DIPK1A: variants seen among roughly 807,000 people sequenced by gnomAD.
DIPK1A encodes the protein divergent protein kinase domain 1A.
In DIPK1A, 27 loss-of-function variants were observed where a neutral mutation model predicts 40.8. The observed-to-expected ratio is 0.66, with a 90% confidence interval of 0.49 to 0.91. The LOEUF (loss-of-function observed/expected upper bound fraction) is 0.91. DIPK1A is among the 40% of genes least tolerant of loss of function. DIPK1A has a pLI of 0.00. For missense variants in DIPK1A, 412 were observed against 505.7 expected (o/e 0.81, Z 1.78); for synonymous variants, 166 against 171.3 (o/e 0.97, Z 0.24).
intron 2 of DIPK1A, among the ~76,000 whole-genome samples, chr1:92,873,550 G>A (rs564732048): frequency 2.0e-5 from 3 of 151,666 alleles, no homozygotes; most frequent in Admixed American, 1.3e-4. Flanking sequence ...GGGAGGCAGA[G>A]GTTGCAGTGA....
At chr1:92,950,506 G>C (rs1438584274) in intron 1 of DIPK1A, among the ~76,000 whole-genome samples, 1 of 152,214 alleles carries the variant, frequency 6.6e-6, no homozygotes, top group East Asian at 1.9e-4. Context: ...GATCTGAAAG[G>C]GTTAGACTGG....
At chr1:92,837,514 C>T (rs528939210), downstream of DIPK1A, 41 of 1,612,426 alleles carry the variant, frequency 2.5e-5, no homozygotes, top group South Asian at 2.9e-4. Context: ...AGAAGTACAT[C>T]GGAAGCACAT....
chr1:92,845,739 G>T (rs1687580254), intron 4 of DIPK1A, among the ~76,000 whole-genome samples: 1 of 151,990 alleles, frequency 6.6e-6, no homozygotes, highest in African/African-American at 2.4e-5. Flanking sequence ...GGGAGGCTGA[G>T]GCAGGAGAAC....
rs1222814994 is a variant in DIPK1A at position 92,917,677 on chromosome 1, G to A, written c.55-41247C>T. Among the ~76,000 whole-genome samples the A allele has an allele frequency of 2.6e-5, 4 of 152,308 alleles. No individual in the cohort carries two copies. The East Asian group carries it at 7.7e-4, about 29-fold the overall frequency. ...CTGATCAAAGGCTCTAGGAAGGTATGCATAGAAACTCCCATGGTCTGCCAA... is the reference window on the plus strand; with the variant it reads ...CTGATCAAAGGCTCTAGGAAGGTATACATAGAAACTCCCATGGTCTGCCAA... On this transcript the variant is annotated intron_variant, in intron 1 of 4. Coordinates refer to ENST00000370310, the MANE Select transcript of DIPK1A (RefSeq NM_001006605.5).
intron 1 of DIPK1A, among the ~76,000 whole-genome samples, chr1:92,927,620 C>A (rs1650572168): frequency 6.6e-6 from 1 of 152,058 alleles, no homozygotes. Flanking sequence ...GCTGTCCTTC[C>A]CCTCATTTCC....
At chr1:92,908,571 AGAGTAG>A (rs1649713943) in intron 1 of DIPK1A, among the ~76,000 whole-genome samples, 1 of 152,224 alleles carries the variant, frequency 6.6e-6, no homozygotes, top group Non-Finnish European at 1.5e-5. Context: ...AGTAGGCTGA[AGAGTAG>A]GAGGTGTGAT....
chr1:92,929,733 AG>A (rs1211721987), intron 1 of DIPK1A, among the ~76,000 whole-genome samples: 1 of 152,200 alleles, frequency 6.6e-6, no homozygotes, highest in African/African-American at 2.4e-5. Context: ...GGTTAGTGTG[AG>A]TAATCTATTA....
chr1:92,865,127 C>G (rs1037203916), intron 2 of DIPK1A, among the ~76,000 whole-genome samples: 1 of 149,314 alleles, frequency 6.7e-6, no homozygotes, highest in Non-Finnish European at 1.5e-5. Context: ...CTCAGGATAT[C>G]TAGGTGGGAG....
intron 1 of DIPK1A, among the ~76,000 whole-genome samples, chr1:92,937,059 C>G (rs190748431): frequency 1.4e-4 from 21 of 152,270 alleles, no homozygotes; most frequent in East Asian, 5.8e-4. Flanking sequence ...AAATTCTTAC[C>G]AGTTTTATGT....
chr1:92,959,276 A>C (rs1192940498), intron 1 of DIPK1A, among the ~76,000 whole-genome samples: 1 of 151,878 alleles, frequency 6.6e-6, no homozygotes, highest in Non-Finnish European at 1.5e-5. Context: ...ACAGAAGGAG[A>C]CCCGTCTCTA....
At chr1:92,833,484 A>G (rs1281694954) in intron 4 of DIPK1A, 5 of 1,612,772 alleles carry the variant, frequency 3.1e-6, no homozygotes, top group Non-Finnish European at 3.4e-6. Flanking sequence ...TGTGTTTACA[A>G]TATTAATCTG....
rs115429565 is a variant in DIPK1A at position 92,858,117 on chromosome 1, A to G, written c.190-7162T>C. 3.1e-3 allele frequency among the ~76,000 whole-genome samples: 470 copies of G among 152,312 alleles called. 4 individuals carry two copies. The highest frequency in any genetic ancestry group is 0.011 in the African/African-American group (456 of 41,568). ...AGTGTATGCTGGGTTTTTATCCGGA[A>G]GTAGGGCCCTCTGTCATGAACAATT... On this transcript the variant is annotated intron_variant, in intron 2 of 4. Transcript: ENST00000370310.
intron 1 of DIPK1A, among the ~76,000 whole-genome samples, chr1:92,877,594 G>A (rs1399287871): frequency 6.6e-6 from 1 of 152,222 alleles, no homozygotes; most frequent in Non-Finnish European, 1.5e-5. Flanking sequence ...GAGGTTAACA[G>A]ATGGTGAATC....
At chr1:92,837,605 A>G (rs755553750), downstream of DIPK1A, 2 of 1,612,168 alleles carry the variant, frequency 1.2e-6, no homozygotes, top group South Asian at 2.2e-5. Flanking sequence ...TTCTCTCAAT[A>G]CATAAAGAAC....
rs559374256 is a variant in DIPK1A, at chr1:92,960,472, A to G, written c.54+904T>C. Among the ~76,000 whole-genome samples the G allele has an allele frequency of 5.3e-5, 8 of 152,250 alleles. No individual in the cohort carries two copies. In the South Asian group the frequency reaches 1.7e-3, roughly 32 times the overall value. On this transcript the variant is annotated intron_variant, in intron 1 of 4. Coordinates refer to ENST00000370310, the MANE Select transcript of DIPK1A (RefSeq NM_001006605.5). ...TGACCCACGCAAGGCATTGATTTGT[A>G]GTTGTTTTTCCATCGGAGTGATGGA...
Position 92,843,362 on chromosome 1 carries a change from TG to T in DIPK1A, c.*20del. On this transcript the variant is annotated 3_prime_UTR_variant, in exon 5 of 5. Transcript: ENST00000370310. ...TTTAAAAGTGGCAGGTTTCTTAAAA[TG>T]GTAATTATGTCCAAATGAACTAAGA... 1.4e-6 allele frequency: 2 copies of T among 1,471,594 alleles called. No homozygotes were observed. 91.2% of individuals were successfully genotyped at this position (1,471,594 alleles called of 1,614,324 possible).
intron 1 of DIPK1A, among the ~76,000 whole-genome samples, chr1:92,922,333 C>CTTTTTTT (rs368331487): frequency 0.049 from 7,060 of 144,486 alleles, 480 homozygotes; most frequent in African/African-American, 0.15. Context: ...TTTTTCTTTT[C>CTTTTTTT]TTTTTTTTTT....
intron 1 of DIPK1A, among the ~76,000 whole-genome samples, chr1:92,903,445 C>T (rs1337870404): frequency 6.6e-6 from 1 of 152,198 alleles, no homozygotes; most frequent in African/African-American, 2.4e-5. Flanking sequence ...GTTTTAGTTT[C>T]ATTTCCTTGA....
downstream of DIPK1A, among the ~76,000 whole-genome samples, chr1:92,839,004 AATT>A (rs1405611834): frequency 2.0e-5 from 3 of 150,692 alleles, no homozygotes; most frequent in African/African-American, 7.3e-5. Flanking sequence ...AGTGGGCTAT[AATT>A]ATTAGATATT....
Sources: allele counts gnomAD v4.1 joint callset (sites outside exome capture counted in the v4.1 genomes callset), GRCh38; gene constraint gnomAD v4.1.1; transcripts MANE v1.5; gene names NCBI Gene and HGNC (gene_info 2026-07-23, HGNC 2026-07-21).